The following CAMKK1 variants were observed in gnomAD, a reference collection of about 807,000 sequenced individuals.
The protein encoded by CAMKK1 is calcium/calmodulin-dependent protein kinase kinase 1.
A neutral mutation model predicts 63.5 loss-of-function variants in CAMKK1; 20 were observed. The ratio of observed to expected loss-of-function variants is 0.32; its 90% CI spans 0.22 to 0.46. The LOEUF (loss-of-function observed/expected upper bound fraction) is 0.46, where lower values mean the gene tolerates loss of function less well. Among genes scored for constraint, CAMKK1 ranks in the 20% least tolerant of loss-of-function variants. The pLI, the probability that CAMKK1 is intolerant of heterozygous loss-of-function variation, is 1.00. For synonymous variants in CAMKK1, 253 were observed against 269.0 expected (o/e 0.94, Z 0.58); for missense variants, 588 against 658.1 (o/e 0.89, Z 1.17).
intron 12 of CAMKK1, among the ~76,000 whole-genome samples, chr17:3,871,549 G>A (rs1170655573): frequency 1.3e-5 from 2 of 149,172 alleles, no homozygotes; most frequent in East Asian, 1.9e-4. Context: ...GTAGAGATGG[G>A]GTTTCACCGT....
At chr17:3,864,350 CA>C (rs1422009049) in intron 15 of CAMKK1, among the ~76,000 whole-genome samples, 1 of 151,452 alleles carries the variant, frequency 6.6e-6, no homozygotes, top group African/African-American at 2.4e-5. Context: ...GGGTTCACGC[CA>C]TTCTCCTGCC....
chr17:3,870,953 G>C (rs563237357), intron 12 of CAMKK1, among the ~76,000 whole-genome samples: 1 of 152,192 alleles, frequency 6.6e-6, no homozygotes, highest in Admixed American at 6.5e-5. Flanking sequence ...GGAGTGAGGC[G>C]GCCCCAGACG....
intron 10 of CAMKK1, among the ~76,000 whole-genome samples, chr17:3,875,343 A>C (rs902903596): frequency 6.6e-6 from 1 of 152,194 alleles, no homozygotes; most frequent in East Asian, 1.9e-4. Flanking sequence ...CAGGCTAGAC[A>C]CCATCACAGC....
chr17:3,867,743 C>G (rs188980288), intron 14 of CAMKK1, among the ~76,000 whole-genome samples: 3 of 152,110 alleles, frequency 2.0e-5, no homozygotes, highest in African/African-American at 7.2e-5. Flanking sequence ...GGCCAGGCCC[C>G]GCCAACGGCA....
chr17:3,883,568 CA>C lies in CAMKK1; in HGVS notation c.463-89del. On this transcript the variant is annotated intron_variant, in intron 4 of 15. Transcript: ENST00000348335. This position sits in a 1 kb window ranked among gnomAD's most constrained non-coding sequence, Gnocchi z 4.7. ...ACATGTGGACTGAGGTCCGGAGAGGCACACTGGACATCTGCTACTGGCCCTG... is the reference window on the plus strand; with the variant it reads ...ACATGTGGACTGAGGTCCGGAGAGGCCACTGGACATCTGCTACTGGCCCTG... The C allele has an allele frequency of 9.4e-7, 1 of 1,062,412 alleles. No homozygotes were observed. Among genetic ancestry groups the C allele is most frequent in the Non-Finnish European group, 1.5e-6 (1 of 677,978 alleles). 65.8% of individuals were successfully genotyped at this position (1,062,412 alleles called of 1,614,324 possible). A position where few individuals can be genotyped will look rare whatever the true frequency, so the allele number is the denominator to read the frequency against.
At chr17:3,885,821 G>T in intron 1 of CAMKK1, 91 bp from the exon 2 acceptor site, 1 of 1,309,370 alleles carries the variant, frequency 7.6e-7, no homozygotes, top group Non-Finnish European at 1.0e-6. Flanking sequence ...CCACCTCCAT[G>T]CCTTTGCCCT....
intron 9 of CAMKK1, among the ~76,000 whole-genome samples, chr17:3,877,668 A>G (rs1018009496): frequency 6.6e-6 from 1 of 152,076 alleles, no homozygotes; most frequent in African/African-American, 2.4e-5. Context: ...TAACCATAAA[A>G]CCAGTGGCAC....
intron 11 of CAMKK1, 25 bp from the exon 12 acceptor site, chr17:3,872,652 G>T (rs749654150): frequency 1.6e-5 from 26 of 1,604,680 alleles, no homozygotes; most frequent in Non-Finnish European, 2.2e-5. Context: ...GGCAGACAAA[G>T]GATGTGGGTC....
At chr17:3,880,225 G>C in intron 9 of CAMKK1, 121 bp downstream of exon 9, 1 of 831,904 alleles carries the variant, frequency 1.2e-6, no homozygotes, top group Non-Finnish European at 1.9e-6. Flanking sequence ...CACTCCCACT[G>C]AAGCTGATTG....
chr17:3,892,257 C>A lies in CAMKK1; in HGVS notation c.-44+682G>T, dbSNP rs965724846. On this transcript the variant is annotated intron_variant, in intron 1 of 15. Coordinates refer to ENST00000348335, the MANE Select transcript of CAMKK1 (RefSeq NM_032294.3). The surrounding 1 kb of genome is among the most constrained non-coding windows in gnomAD (Gnocchi z 7.5). ...TGTCCGCGTGACCCGCCCTCACACA[C>A]CACTCCATCCTGTCCTGCACCCCCC... Among the ~76,000 whole-genome samples, 1 of 152,114 alleles carries A rather than the reference C, an allele frequency of 6.6e-6. No individual in the cohort carries two copies. Among genetic ancestry groups the A allele is most frequent in the South Asian group, 2.1e-4 (1 of 4,828 alleles).
intron 12 of CAMKK1, 85 bp downstream of exon 12, chr17:3,872,469 G>A (rs2054931356): frequency 9.0e-7 from 1 of 1,113,318 alleles, no homozygotes; most frequent in Non-Finnish European, 1.4e-6. Flanking sequence ...GCTGGGGTGG[G>A]GTCCTCAGAG....
At chr17:3,888,577 C>T (rs989828333) in intron 1 of CAMKK1, among the ~76,000 whole-genome samples, 2 of 152,194 alleles carry the variant, frequency 1.3e-5, no homozygotes, top group East Asian at 1.9e-4. Flanking sequence ...GCCCGTAAGG[C>T]GCTCAGAACA....
At position 3,885,723 on chromosome 17, in the gene CAMKK1, T is replaced by C. The variant is rs1275388865; in HGVS notation, c.-36A>G. 1.2e-6 allele frequency: 2 copies of C among 1,604,990 alleles called. No homozygotes were observed. The highest frequency in any genetic ancestry group is 1.7e-5 in the Admixed American group (1 of 59,948). ...AAGGGGGTTCTTCTGCGTAGCCTTGTTGGGAACCTGAGAAAAGAAGGCAGA... is the reference window on the plus strand; with the variant it reads ...AAGGGGGTTCTTCTGCGTAGCCTTGCTGGGAACCTGAGAAAAGAAGGCAGA... On this transcript the variant is annotated 5_prime_UTR_variant, in exon 2 of 16. Transcript: ENST00000348335.
At position 3,884,371 on chromosome 17, in the gene CAMKK1, C is replaced by T. The variant is rs1194640533; in HGVS notation, c.408+9G>A. ...AAGCCCCCACTGCTCTCGGCCTGCC[C>T]ACTCCTACCTTGCCAATCTCACTCT... On this transcript the variant is annotated intron_variant, in intron 3 of 15. Transcript: ENST00000348335. This position sits in a 1 kb window ranked among gnomAD's most constrained non-coding sequence, Gnocchi z 4.5. 3 of 1,613,878 alleles carry T rather than the reference C, an allele frequency of 1.9e-6. No individual in the cohort carries two copies. The highest frequency in any genetic ancestry group is 2.5e-6 in the Non-Finnish European group (3 of 1,179,878).
At position 3,862,770 on chromosome 17, in the gene CAMKK1, C is replaced by G. The variant is rs972866048; in HGVS notation, c.1446-487G>C. ...TCAGCCTCCTGAGTAGCTGAGACTA[C>G]AGGCACATGCCACCACGCCCAGCTA... On this transcript the variant is annotated intron_variant, in intron 15 of 15. Transcript: ENST00000348335. This position sits in a 1 kb window ranked among gnomAD's most constrained non-coding sequence, Gnocchi z 4.1. 6.6e-6 allele frequency among the ~76,000 whole-genome samples: 1 copy of G among 152,234 alleles called. No individual in the cohort carries two copies. Among genetic ancestry groups the G allele is most frequent in the African/African-American group, 2.4e-5 (1 of 41,468 alleles).
intron 10 of CAMKK1, among the ~76,000 whole-genome samples, chr17:3,873,938 G>A (rs1457487436): frequency 2.6e-5 from 4 of 151,950 alleles, no homozygotes; most frequent in South Asian, 2.1e-4. Flanking sequence ...CTCATCCACC[G>A]CCACTGCAAC....
intron 11 of CAMKK1, 74 bp from the exon 12 acceptor site, chr17:3,872,701 C>A: frequency 2.0e-5 from 26 of 1,281,742 alleles, no homozygotes; most frequent in Non-Finnish European, 3.0e-5. Context: ...ACCCCCCTCC[C>A]TTGGTGGGGG....
Position 3,882,688 on chromosome 17 carries a change from G to T in CAMKK1, c.649-124C>A. On this transcript the variant is annotated intron_variant, in intron 6 of 15. Coordinates refer to ENST00000348335, the MANE Select transcript of CAMKK1 (RefSeq NM_032294.3). This position sits in a 1 kb window ranked among gnomAD's most constrained non-coding sequence, Gnocchi z 4.3. ...GCATGCAACCACCCCAGACAAGGAA[G>T]CAGGAAGTGTACAGGTGGTGCCAGA... 1.1e-6 allele frequency: 1 copy of T among 946,990 alleles called. No individual in the cohort carries two copies. The highest frequency in any genetic ancestry group is 1.6e-6 in the Non-Finnish European group (1 of 609,500). 58.7% of individuals were successfully genotyped at this position (946,990 alleles called of 1,614,324 possible). A position where few individuals can be genotyped will look rare whatever the true frequency, so the allele number is the denominator to read the frequency against.
At chr17:3,870,310 G>C (rs1187089983) in intron 12 of CAMKK1, among the ~76,000 whole-genome samples, 1 of 152,048 alleles carries the variant, frequency 6.6e-6, no homozygotes, top group East Asian at 1.9e-4. Context: ...ACTCAGATGG[G>C]AGGGAGCAGC....
Sources: allele counts gnomAD v4.1 joint callset (sites outside exome capture counted in the v4.1 genomes callset), GRCh38; gene constraint gnomAD v4.1.1; non-coding constraint Gnocchi (gnomAD v3.1); transcripts MANE v1.5; gene names NCBI Gene and HGNC (gene_info 2026-07-23, HGNC 2026-07-21).